VWA8: variants seen among roughly 807,000 people sequenced by gnomAD.
The protein encoded by VWA8 is von Willebrand factor A domain-containing protein 8.
A neutral mutation model predicts 241.5 loss-of-function variants in VWA8; 221 were observed. That is an observed-to-expected ratio of 0.91 (90% CI 0.82 to 1.02). VWA8 has a LOEUF of 1.02. VWA8 is among the 50% of genes least tolerant of loss of function. The pLI is 0.00. For missense variants in VWA8, 2,322 were observed against 2,328.7 expected (o/e 1.00, Z 0.06); for synonymous variants, 852 against 827.1 (o/e 1.03, Z -0.52).
At chr13:41,870,897 T>C (rs1049431704) in intron 9 of VWA8, among the ~76,000 whole-genome samples, 1 of 152,174 alleles carries the variant, frequency 6.6e-6, no homozygotes, top group Non-Finnish European at 1.5e-5. Flanking sequence ...TACACTAAGA[T>C]AGTAAAAACC....
intron 27 of VWA8, 71 bp downstream of exon 27, chr13:41,703,232 T>C (rs914263886): frequency 1.3e-5 from 15 of 1,188,898 alleles, no homozygotes; most frequent in African/African-American, 9.1e-5. Flanking sequence ...ATTGTTTGAA[T>C]TATCTCCAGG....
intron 44 of VWA8, 33 bp downstream of exon 44, chr13:41,570,435 C>T (rs370524361): frequency 6.3e-7 from 1 of 1,579,784 alleles, no homozygotes; most frequent in Non-Finnish European, 8.7e-7. Flanking sequence ...ATCTCTGTAC[C>T]TGCCCTTTTC....
intron 12 of VWA8, among the ~76,000 whole-genome samples, chr13:41,848,021 G>T (rs1286670914): frequency 6.6e-6 from 1 of 152,256 alleles, no homozygotes; most frequent in African/African-American, 2.4e-5. Context: ...TTTTGGAAAT[G>T]TTCATGGTTA....
intron 37 of VWA8, among the ~76,000 whole-genome samples, chr13:41,624,837 T>G (rs887677754): frequency 6.6e-6 from 1 of 152,084 alleles, no homozygotes; most frequent in African/African-American, 2.4e-5. Flanking sequence ...TCAGACAAGA[T>G]GAAGAAGTAA....
At chr13:41,821,852 G>A (rs534581712) in intron 14 of VWA8, among the ~76,000 whole-genome samples, 243 of 152,098 alleles carry the variant, frequency 1.6e-3, no homozygotes, top group Non-Finnish European at 3.0e-3. Context: ...ATCAATGTAC[G>A]TAACAACATG....
chr13:41,814,624 G>A (rs531428326), intron 16 of VWA8, among the ~76,000 whole-genome samples: 8 of 152,120 alleles, frequency 5.3e-5, no homozygotes, highest in African/African-American at 1.4e-4. Flanking sequence ...ATCCCTTAAC[G>A]GTTTTAAACA....
In VWA8 at chr13:41,729,806, C is replaced by CACAT. The variant is rs529325374; in HGVS notation, c.2503-130_2503-129insATGT. The CACAT allele has an allele frequency of 1.0e-2, 4,282 of 429,368 alleles. 232 individuals are homozygous for CACAT. Among genetic ancestry groups the CACAT allele is most frequent in the South Asian group, 0.062 (1,080 of 17,312 alleles). 26.6% of individuals were successfully genotyped at this position (429,368 alleles called of 1,614,324 possible). Reference sequence around the variant, plus strand: ...TTACAAGTATACACGTAGACACACACACACACACACACACACACACACACA... The same window carrying CACAT: ...TTACAAGTATACACGTAGACACACACACATACACACACACACACACACACACACA... On this transcript the variant is annotated intron_variant, in intron 22 of 44. Transcript: ENST00000379310.
At chr13:41,597,774 TTCTC>T (rs1216478541) in intron 40 of VWA8, among the ~76,000 whole-genome samples, 2 of 152,020 alleles carry the variant, frequency 1.3e-5, no homozygotes, top group Non-Finnish European at 1.5e-5. Context: ...AGAAAACCTG[TTCTC>T]TCTAAGTCCT....
chr13:41,751,577 A>C (rs1391090415), intron 21 of VWA8, among the ~76,000 whole-genome samples: 2 of 152,166 alleles, frequency 1.3e-5, no homozygotes, highest in East Asian at 3.8e-4. Context: ...TTATACTGTC[A>C]CATTCAGTTT....
chr13:41,956,763 A>T (rs1385266396), intron 1 of VWA8, among the ~76,000 whole-genome samples: 2 of 152,360 alleles, frequency 1.3e-5, no homozygotes, highest in Middle Eastern at 6.8e-3. Flanking sequence ...TATATTTTAG[A>T]CAACATGAAT....
At chr13:41,686,049 C>A (rs1310260276) in intron 34 of VWA8, among the ~76,000 whole-genome samples, 1 of 152,116 alleles carries the variant, frequency 6.6e-6, no homozygotes, top group Non-Finnish European at 1.5e-5. Context: ...CCTTTTCTCA[C>A]ATGTATAGTT....
At position 41,865,736 on chromosome 13, in the gene VWA8, C is replaced by A; in HGVS notation, c.1425G>T (p.Gln475His). The A allele has an allele frequency of 6.2e-7, 1 of 1,613,466 alleles. No homozygotes were observed. Residue 475 changes from glutamine (Q) to histidine (H), a missense_variant and splice_region_variant, in exon 12 of 45, where the codon CAG becomes CAT. Gln to His is a conservative substitution (Grantham distance 24). Transcript: ENST00000379310. ...GTGCAGCTAAAAATGAACACTGTAC[C>A]TGATAGAGCATAATAGGTTCTATGT... ...GYNIEPIMLY[Q>H]DMTARDLLQQ...
intron 37 of VWA8, among the ~76,000 whole-genome samples, chr13:41,625,151 T>G (rs972584786): frequency 6.6e-6 from 1 of 151,820 alleles, no homozygotes; most frequent in Non-Finnish European, 1.5e-5. Flanking sequence ...TTACAAACAC[T>G]GCTGAAAGAT....
intron 40 of VWA8, among the ~76,000 whole-genome samples, chr13:41,593,879 G>A (rs143866341): frequency 3.4e-4 from 52 of 152,226 alleles, no homozygotes; most frequent in African/African-American, 1.1e-3. Context: ...TTCTTGGGCC[G>A]GGTTTAAGAG....
chr13:41,668,554 T>C (rs2045001977), intron 37 of VWA8, among the ~76,000 whole-genome samples: 1 of 152,174 alleles, frequency 6.6e-6, no homozygotes, highest in African/African-American at 2.4e-5. Context: ...AAGGGAACTG[T>C]AAAAGACAAA....
At chr13:41,943,349 T>C (rs1877686373) in intron 2 of VWA8, among the ~76,000 whole-genome samples, 1 of 152,282 alleles carries the variant, frequency 6.6e-6, no homozygotes, top group Non-Finnish European at 1.5e-5. Flanking sequence ...ATAAAGGCTA[T>C]ATTATGAAAA....
chr13:41,783,625 G>C (rs1868998283), intron 19 of VWA8, among the ~76,000 whole-genome samples, 170 bp downstream of exon 19: 1 of 144,548 alleles, frequency 6.9e-6, no homozygotes, highest in Non-Finnish European at 1.5e-5. Flanking sequence ...GTGACAAAGT[G>C]AGACTGCATC....
At chr13:41,829,054 TGA>T (rs1871300959) in intron 14 of VWA8, among the ~76,000 whole-genome samples, 1 of 152,126 alleles carries the variant, frequency 6.6e-6, no homozygotes, top group African/African-American at 2.4e-5. Flanking sequence ...TTAGTTTTGT[TGA>T]GAGAATACAA....
intron 35 of VWA8, among the ~76,000 whole-genome samples, chr13:41,678,563 A>G (rs1210367966): frequency 1.3e-5 from 2 of 152,218 alleles, no homozygotes. Context: ...TAACTTACTC[A>G]TATTTTGGCT....
Sources: allele counts gnomAD v4.1 joint callset (sites outside exome capture counted in the v4.1 genomes callset), GRCh38; gene constraint gnomAD v4.1.1; transcripts MANE v1.5; gene names NCBI Gene and HGNC (gene_info 2026-07-23, HGNC 2026-07-21).